The following ZBTB16 variants were observed in gnomAD, a reference collection of about 807,000 sequenced individuals.
ZBTB16 encodes the protein zinc finger and BTB domain-containing protein 16.
A neutral mutation model predicts 56.8 loss-of-function variants in ZBTB16; 8 were observed. That is an observed-to-expected ratio of 0.14 (90% CI 0.08 to 0.25). The LOEUF (loss-of-function observed/expected upper bound fraction) is 0.25. Among genes scored for constraint, ZBTB16 ranks in the 10% least tolerant of loss-of-function variants. The pLI, the probability that ZBTB16 is intolerant of heterozygous loss-of-function variation, is 1.00. For missense variants in ZBTB16, 625 were observed against 903.0 expected, an observed-to-expected ratio of 0.69 and a Z score of 3.95; for synonymous variants, 363 against 368.5, an observed-to-expected ratio of 0.98 and a Z score of 0.17.
chr11:114,220,381 C>T (rs1944206453), intron 4 of ZBTB16, among the ~76,000 whole-genome samples: 1 of 152,134 alleles, frequency 6.6e-6, no homozygotes, highest in Admixed American at 6.5e-5. Context: ...AGTGTGTGAG[C>T]AATGCATGCA....
chr11:114,186,789 C>A (rs1943370246), intron 3 of ZBTB16, among the ~76,000 whole-genome samples, 163 bp from the exon 4 acceptor site: 1 of 152,158 alleles, frequency 6.6e-6, no homozygotes, highest in African/African-American at 2.4e-5. Context: ...GGTGAATGCT[C>A]ACCTCTTGGA....
At chr11:114,155,158 T>G (rs1218469495) in intron 2 of ZBTB16, among the ~76,000 whole-genome samples, 1 of 152,230 alleles carries the variant, frequency 6.6e-6, no homozygotes, top group Non-Finnish European at 1.5e-5. Context: ...GAGGGCCTTG[T>G]TTTCCCTTCT....
At chr11:114,092,173 A>G (rs2137728653) in intron 2 of ZBTB16, among the ~76,000 whole-genome samples, 1 of 152,316 alleles carries the variant, frequency 6.6e-6, no homozygotes, top group South Asian at 2.1e-4. Flanking sequence ...GAGACCCGAG[A>G]GGCTCCGGTG....
chr11:114,144,177 G>GACACACACACACACACAC (rs56679355), intron 2 of ZBTB16, among the ~76,000 whole-genome samples: 4 of 144,968 alleles, frequency 2.8e-5, no homozygotes, highest in African/African-American at 1.0e-4. Context: ...GTGTTTGCCA[G>GACACACACACACACACAC]ACACACACAC....
intron 4 of ZBTB16, among the ~76,000 whole-genome samples, chr11:114,206,472 A>C (rs1345671303): frequency 2.6e-5 from 4 of 152,092 alleles, no homozygotes; most frequent in Non-Finnish European, 5.9e-5. Context: ...GGAAATCCCC[A>C]GAGTAGGAGA....
rs996232806 is a variant in ZBTB16 at position 114,212,052 on chromosome 11, C to T, written c.1453+25014C>T. Among the ~76,000 whole-genome samples the T allele has an allele frequency of 6.4e-4, 98 of 152,082 alleles. 1 individual carries two copies. The highest frequency in any genetic ancestry group is 1.2e-4 in the Non-Finnish European group (8 of 68,022). Reference sequence around the variant, plus strand: ...GCGGTCTGGGGTCAAAGGGTCATCTCATGTGTCTTGCCGCCAGCCCACCTC... The same window carrying T: ...GCGGTCTGGGGTCAAAGGGTCATCTTATGTGTCTTGCCGCCAGCCCACCTC... On this transcript the variant is annotated intron_variant, in intron 4 of 6. Coordinates refer to ENST00000335953, the MANE Select transcript of ZBTB16 (RefSeq NM_006006.6).
At chr11:114,128,432 G>T (rs944438400) in intron 2 of ZBTB16, among the ~76,000 whole-genome samples, 1 of 152,198 alleles carries the variant, frequency 6.6e-6, no homozygotes, top group African/African-American at 2.4e-5. Context: ...GACAGTCTGG[G>T]GTTTGAATCC....
Position 114,256,745 on chromosome 11 carries a change from G to C in ZBTB16, c.*6190G>C, listed in dbSNP as rs1044085250. Among the ~76,000 whole-genome samples the C allele has an allele frequency of 6.6e-6, 1 of 152,174 alleles. No homozygotes were observed. Among genetic ancestry groups the C allele is most frequent in the African/African-American group, 2.4e-5 (1 of 41,440 alleles). ...TGCAAGCTCTGCATTGTCATGGACG[G>C]AATAAAGGATTTCCACAACACTCAA... is the stretch of plus-strand genomic sequence containing the variant. On this transcript the variant is annotated 3_prime_UTR_variant, in exon 7 of 7. Coordinates refer to ENST00000335953, the MANE Select transcript of ZBTB16 (RefSeq NM_006006.6).
In ZBTB16 at chr11:114,092,421, C is replaced by A. The variant is rs185812044; in HGVS notation, c.1268+27853C>A. 2.5e-3 allele frequency among the ~76,000 whole-genome samples: 376 copies of A among 152,278 alleles called. 1 individual carries two copies. The highest frequency in any genetic ancestry group is 8.8e-3 in the African/African-American group (364 of 41,556). ...GGGGCGGGGGCACACTGCCTCGATC[C>A]TCTTGTTGTGTGGAGCAAAGTGATT... is the stretch of plus-strand genomic sequence containing the variant. On this transcript the variant is annotated intron_variant, in intron 2 of 6. Coordinates refer to ENST00000335953, the MANE Select transcript of ZBTB16 (RefSeq NM_006006.6).
At chr11:114,210,180 T>C (rs1943967791) in intron 4 of ZBTB16, among the ~76,000 whole-genome samples, 1 of 141,502 alleles carries the variant, frequency 7.1e-6, no homozygotes, top group Non-Finnish European at 1.6e-5. Flanking sequence ...TGTGTGTGTG[T>C]GTGTGTGTGT....
At chr11:114,094,293 A>T (rs894010449) in intron 2 of ZBTB16, among the ~76,000 whole-genome samples, 18 of 152,172 alleles carry the variant, frequency 1.2e-4, no homozygotes, top group African/African-American at 4.3e-4. Flanking sequence ...CCAGCCTGGG[A>T]GACAGAGCAA....
intron 2 of ZBTB16, among the ~76,000 whole-genome samples, chr11:114,087,091 TG>T (rs1939981733): frequency 6.6e-6 from 1 of 152,294 alleles, no homozygotes; most frequent in South Asian, 2.1e-4. Flanking sequence ...GCAAACACTT[TG>T]GCCACCTCCC....
chr11:114,105,242 CTCT>C (rs1276951513), intron 2 of ZBTB16, among the ~76,000 whole-genome samples: 1 of 148,074 alleles, frequency 6.8e-6, no homozygotes, highest in Non-Finnish European at 1.5e-5. Flanking sequence ...CTCTCTCTCT[CTCT>C]TTTTTTTTTT....
chr11:114,113,080 A>AGG (rs1941071738), intron 2 of ZBTB16, among the ~76,000 whole-genome samples: 1 of 151,838 alleles, frequency 6.6e-6, no homozygotes. Flanking sequence ...CAGCCCACAC[A>AGG]CTTCATTTTT....
At chr11:114,220,059 A>G (rs1944197484) in intron 4 of ZBTB16, among the ~76,000 whole-genome samples, 1 of 152,188 alleles carries the variant, frequency 6.6e-6, no homozygotes, top group African/African-American at 2.4e-5. Context: ...GAGGAAAGAG[A>G]GCCAGTCTTT....
At chr11:114,194,736 G>A (rs937153169) in intron 4 of ZBTB16, among the ~76,000 whole-genome samples, 3 of 152,138 alleles carry the variant, frequency 2.0e-5, no homozygotes, top group African/African-American at 4.8e-5. Flanking sequence ...ATACGTGCAC[G>A]TGCACACCCC....
Position 114,252,331 on chromosome 11 carries a change from C to T in ZBTB16, c.*1776C>T, listed in dbSNP as rs1591817917. Among the ~76,000 whole-genome samples, 1 of 142,804 alleles carries T rather than the reference C, an allele frequency of 7.0e-6. No individual in the cohort carries two copies. The highest frequency in any genetic ancestry group is 2.7e-5 in the African/African-American group (1 of 37,640). The allele number at this position is 142,804 out of a possible 152,430, so 93.7% of individuals were successfully genotyped here. A position where few individuals can be genotyped will look rare whatever the true frequency, so the allele number is the denominator to read the frequency against. On this transcript the variant is annotated 3_prime_UTR_variant, in exon 7 of 7. Coordinates refer to ENST00000335953, the MANE Select transcript of ZBTB16 (RefSeq NM_006006.6). ...GCAACTGTGTGGTCTCACCTCTGTG[C>T]GTGCATTCTCATTGCCAGAATTGGT...
At chr11:114,148,335 G>GGCTGGCTGGCTT (rs200421296) in intron 2 of ZBTB16, among the ~76,000 whole-genome samples, 8 of 91,414 alleles carry the variant, frequency 8.8e-5, no homozygotes, top group Non-Finnish European at 1.8e-4. Flanking sequence ...ATGGCTGGCT[G>GGCTGGCTGGCTT]GCTTCCTTCC....
At chr11:114,232,576 A>G (rs1220948359) in intron 4 of ZBTB16, among the ~76,000 whole-genome samples, 1 of 122,562 alleles carries the variant, frequency 8.2e-6, no homozygotes, top group Non-Finnish European at 1.7e-5. Context: ...AGGCTTCCAC[A>G]TCAGATGCCC....
Sources: allele counts gnomAD v4.1 joint callset (sites outside exome capture counted in the v4.1 genomes callset), GRCh38; gene constraint gnomAD v4.1.1; transcripts MANE v1.5; gene names NCBI Gene and HGNC (gene_info 2026-07-23, HGNC 2026-07-21).